Variants in TIGAR observed in about 807,000 individuals in gnomAD.
TIGAR encodes the protein TP53 induced glycolysis regulatory phosphatase.
Under a neutral mutation model 17.9 loss-of-function variants are expected in TIGAR, and 7 were observed. The observed-to-expected ratio is 0.39, with a 90% CI of 0.22 to 0.73. The LOEUF (loss-of-function observed/expected upper bound fraction) is 0.73. Among genes scored for constraint, TIGAR ranks in the 30% least tolerant of loss-of-function variants. TIGAR has a pLI of 0.42. For missense variants in TIGAR, 258 were observed against 327.4 expected (o/e 0.79, Z 1.64); for synonymous variants, 94 against 108.6 (o/e 0.87, Z 0.84).
intron 3 of TIGAR, among the ~76,000 whole-genome samples, chr12:4,343,296 C>T (rs1006985321): frequency 6.6e-6 from 1 of 152,160 alleles, no homozygotes; most frequent in African/African-American, 2.4e-5. Context: ...GAGAATTTAA[C>T]ACCCCACTGT....
rs1864867589 is a variant in TIGAR at position 4,353,923 on chromosome 12, G to A, written c.*1232G>A. On this transcript the variant is annotated 3_prime_UTR_variant, in exon 6 of 6. Transcript: ENST00000179259. The stretch of plus-strand genomic sequence containing the variant: ...TGTGGTTATTTTGTGGCAGGTACAG[G>A]TGAGGTTGCCTCTTCTTTCCACCAG... The A allele has an allele frequency of 6.6e-6, 1 of 152,582 alleles. No homozygotes were observed. Among genetic ancestry groups the A allele is most frequent in the African/African-American group, 2.4e-5 (1 of 41,426 alleles). 9.5% of individuals were successfully genotyped at this position (152,582 alleles called of 1,614,324 possible). A position where few individuals can be genotyped will look rare whatever the true frequency, so the allele number is the denominator to read the frequency against.
At chr12:4,348,170 A>T (rs1864801353) in intron 3 of TIGAR, among the ~76,000 whole-genome samples, 1 of 152,170 alleles carries the variant, frequency 6.6e-6, no homozygotes, top group Admixed American at 6.5e-5. Context: ...TAAATAAAAT[A>T]GGAGACATTA....
At chr12:4,349,578 C>T (rs1016157253) in intron 3 of TIGAR, among the ~76,000 whole-genome samples, 2 of 152,044 alleles carry the variant, frequency 1.3e-5, no homozygotes, top group Admixed American at 6.6e-5. Context: ...CCACCACATC[C>T]GGCTAATTTT....
chr12:4,347,095 G>T (rs1395455157), intron 3 of TIGAR, among the ~76,000 whole-genome samples: 1 of 152,190 alleles, frequency 6.6e-6, no homozygotes, highest in African/African-American at 2.4e-5. Context: ...AGAGATATCT[G>T]CACTCCCATA....
chr12:4,328,447 C>T (rs1864569720), intron 1 of TIGAR, among the ~76,000 whole-genome samples: 1 of 152,102 alleles, frequency 6.6e-6, no homozygotes, highest in South Asian at 2.1e-4. Flanking sequence ...CCTCCTTGGC[C>T]TCCCAAAGTG....
chr12:4,327,514 C>T (rs1051195298), intron 1 of TIGAR, among the ~76,000 whole-genome samples: 1 of 152,062 alleles, frequency 6.6e-6, no homozygotes, highest in African/African-American at 2.4e-5. Flanking sequence ...AGTTTGCAGC[C>T]CATAATTGGC....
In TIGAR at chr12:4,356,286, ATTTC is replaced by A. The variant is rs2120705368; in HGVS notation, c.*3597_*3600del. Among the ~76,000 whole-genome samples, 1 of 152,230 alleles carries A rather than the reference ATTTC, an allele frequency of 6.6e-6. No homozygotes were observed. The highest frequency in any genetic ancestry group is 6.5e-5 in the Admixed American group (1 of 15,290). ...CATTGAATTTCTAGGTTAGCTTAGG[ATTTC>A]TCATCCTCCCATCTGTGAATGTCAT... On this transcript the variant is annotated 3_prime_UTR_variant, in exon 6 of 6. Coordinates refer to ENST00000179259, the MANE Select transcript of TIGAR (RefSeq NM_020375.3).
At chr12:4,346,106 A>G (rs1248734216) in intron 3 of TIGAR, among the ~76,000 whole-genome samples, 1 of 152,206 alleles carries the variant, frequency 6.6e-6, no homozygotes, top group East Asian at 1.9e-4. Flanking sequence ...TCAGGAAACA[A>G]CAGGTGCTGG....
At chr12:4,328,785 C>G (rs1311407731) in intron 1 of TIGAR, among the ~76,000 whole-genome samples, 1 of 151,864 alleles carries the variant, frequency 6.6e-6, no homozygotes, top group Admixed American at 6.6e-5. Context: ...CCTTGTTGGC[C>G]AGGCTGGTCC....
At chr12:4,324,413 T>TG in intron 1 of TIGAR, 1 of 1,398,984 alleles carries the variant, frequency 7.1e-7, no homozygotes, top group Non-Finnish European at 1.0e-6. Flanking sequence ...GTGGCCCCGA[T>TG]GCCGGGCCGG....
chr12:4,331,058 C>T (rs545599745), intron 1 of TIGAR, among the ~76,000 whole-genome samples: 150 of 152,308 alleles, frequency 9.8e-4, no homozygotes, highest in African/African-American at 3.4e-3. Context: ...CTGATCTACA[C>T]GTTTTAGTTT....
At chr12:4,325,219 G>T (rs1391834984) in intron 1 of TIGAR, among the ~76,000 whole-genome samples, 1 of 151,938 alleles carries the variant, frequency 6.6e-6, no homozygotes. Context: ...TGGGATTACA[G>T]GCGTGAGCCA....
At chr12:4,330,102 C>T (rs886450818) in intron 1 of TIGAR, among the ~76,000 whole-genome samples, 8 of 152,048 alleles carry the variant, frequency 5.3e-5, no homozygotes, top group African/African-American at 1.7e-4. Context: ...TGTAAACAAG[C>T]GGCAAGATTC....
intron 1 of TIGAR, among the ~76,000 whole-genome samples, chr12:4,328,824 C>G (rs1432387601): frequency 6.6e-6 from 1 of 152,114 alleles, no homozygotes; most frequent in African/African-American, 2.4e-5. Context: ...ATCTGCCCAC[C>G]TCGGCCTCCC....
In TIGAR at chr12:4,357,166, AT is replaced by A. The variant is rs1472871054; in HGVS notation, c.*4478del. ...CTTAGGCTTATGCAGGAAGTGCAATATTTGGCCATATCACTTAAGTACATAT... is the reference window on the plus strand; with the variant it reads ...CTTAGGCTTATGCAGGAAGTGCAATATTGGCCATATCACTTAAGTACATAT... On this transcript the variant is annotated 3_prime_UTR_variant, in exon 6 of 6. Transcript: ENST00000179259. Among the ~76,000 whole-genome samples the A allele has an allele frequency of 3.3e-5, 5 of 152,340 alleles. No homozygotes were observed. The East Asian group carries it at 9.6e-4, about 29-fold the overall frequency.
At chr12:4,325,837 A>G (rs1050609534) in intron 1 of TIGAR, among the ~76,000 whole-genome samples, 4 of 152,232 alleles carry the variant, frequency 2.6e-5, no homozygotes, top group African/African-American at 9.6e-5. Flanking sequence ...GTGTAAAGGA[A>G]TTAGGACTAA....
intron 1 of TIGAR, among the ~76,000 whole-genome samples, chr12:4,330,257 G>A (rs193011239): frequency 5.3e-5 from 8 of 152,156 alleles, no homozygotes; most frequent in Non-Finnish European, 7.4e-5. Flanking sequence ...ATTTTCCATC[G>A]AAATCAAGGA....
intron 1 of TIGAR, among the ~76,000 whole-genome samples, chr12:4,325,106 C>T (rs545892448): frequency 3.9e-5 from 6 of 152,032 alleles, no homozygotes; most frequent in African/African-American, 1.4e-4. Context: ...CCATGCCTGG[C>T]TACTTTTGTA....
At position 4,359,608 on chromosome 12, in the gene TIGAR, C is replaced by T. The variant is rs528666574; in HGVS notation, c.*6917C>T. 2.6e-5 allele frequency among the ~76,000 whole-genome samples: 4 copies of T among 152,212 alleles called. No individual in the cohort carries two copies. The highest frequency in any genetic ancestry group is 4.2e-4 in the South Asian group (2 of 4,818). On this transcript the variant is annotated 3_prime_UTR_variant, in exon 6 of 6. Transcript: ENST00000179259. ...AACAGTTTGTTTATTCTTCCATTGACGGAACACAAGGACCATTTCTAGTTT... is the reference window on the plus strand; with the variant it reads ...AACAGTTTGTTTATTCTTCCATTGATGGAACACAAGGACCATTTCTAGTTT...
Sources: allele counts gnomAD v4.1 joint callset (sites outside exome capture counted in the v4.1 genomes callset), GRCh38; gene constraint gnomAD v4.1.1; transcripts MANE v1.5; gene names NCBI Gene and HGNC (gene_info 2026-07-23, HGNC 2026-07-21).